The following GRID1 variants were observed in gnomAD, a reference collection of about 807,000 sequenced individuals.
GRID1 encodes the protein glutamate receptor ionotropic, delta-1.
Under a neutral mutation model 98.0 loss-of-function variants are expected in GRID1, and 28 were observed. The ratio of observed to expected loss-of-function variants is 0.29; its 90% CI spans 0.21 to 0.39. The LOEUF (loss-of-function observed/expected upper bound fraction) is 0.39. Ranked by LOEUF, GRID1 falls within the 10% of genes least tolerant of loss-of-function variation. The pLI is 1.00. For synonymous variants in GRID1, 553 were observed against 538.5 expected, an observed-to-expected ratio of 1.03 and a Z score of -0.37; for missense variants, 1,111 against 1,340.5, an observed-to-expected ratio of 0.83 and a Z score of 2.67.
chr10:86,149,659 C>T (rs1466965896), intron 3 of GRID1, among the ~76,000 whole-genome samples: 3 of 152,246 alleles, frequency 2.0e-5, no homozygotes, highest in Admixed American at 6.5e-5. Flanking sequence ...ACACACCACG[C>T]TGCATTAAGT....
chr10:86,231,340 C>T (rs1025547639), intron 2 of GRID1, among the ~76,000 whole-genome samples: 1 of 152,186 alleles, frequency 6.6e-6, no homozygotes, highest in African/African-American at 2.4e-5. Flanking sequence ...CATCTCTGCA[C>T]ACTCAGGGCA....
At chr10:85,731,889 TAGGG>T (rs1841829467) in intron 8 of GRID1, among the ~76,000 whole-genome samples, 2 of 75,530 alleles carry the variant, frequency 2.6e-5, no homozygotes, top group Non-Finnish European at 5.4e-5. Flanking sequence ...GAAAGGGAGG[TAGGG>T]AGGGAGGGAG....
intron 4 of GRID1, among the ~76,000 whole-genome samples, chr10:86,103,067 A>G (rs1446815680): frequency 6.6e-6 from 1 of 152,152 alleles, no homozygotes; most frequent in African/African-American, 2.4e-5. Context: ...CTGTGAATCC[A>G]TTTAACCTCT....
intron 12 of GRID1, among the ~76,000 whole-genome samples, chr10:85,721,333 G>T (rs117051113): frequency 6.6e-6 from 1 of 152,092 alleles, no homozygotes; most frequent in Admixed American, 6.5e-5. Flanking sequence ...TCCAGCAATT[G>T]CACTCTTGGG....
chr10:85,987,135 C>T (rs1343175562), intron 4 of GRID1, among the ~76,000 whole-genome samples: 2 of 69,482 alleles, frequency 2.9e-5, no homozygotes, highest in Non-Finnish European at 8.3e-5. Flanking sequence ...CTCAGAGTTG[C>T]CCCAGCTTGC....
chr10:85,849,031 C>G (rs544681883), intron 8 of GRID1, among the ~76,000 whole-genome samples: 62 of 152,310 alleles, frequency 4.1e-4, no homozygotes, highest in Non-Finnish European at 7.8e-4. Flanking sequence ...CCACCTCCAC[C>G]CATATCCCCC....
intron 5 of GRID1, among the ~76,000 whole-genome samples, chr10:85,892,896 G>A (rs1465888808): frequency 1.3e-5 from 2 of 151,890 alleles, no homozygotes; most frequent in Non-Finnish European, 2.9e-5. Flanking sequence ...CCAGACAAAG[G>A]GTTTACAGGA....
chr10:85,843,087 T>C (rs770890872), intron 8 of GRID1, among the ~76,000 whole-genome samples: 10 of 152,028 alleles, frequency 6.6e-5, no homozygotes, highest in Non-Finnish European at 1.0e-4. Context: ...GTCATAAAGA[T>C]AGGCACATTG....
chr10:86,300,858 G>A (rs534079471), intron 2 of GRID1, among the ~76,000 whole-genome samples: 8 of 152,288 alleles, frequency 5.3e-5, no homozygotes, highest in South Asian at 2.1e-4. Context: ...GGTGCAGTCC[G>A]GGAAGCCTGG....
At chr10:85,838,220 C>A (rs975033958) in intron 8 of GRID1, among the ~76,000 whole-genome samples, 1 of 152,120 alleles carries the variant, frequency 6.6e-6, no homozygotes, top group African/African-American at 2.4e-5. Flanking sequence ...AGAATGGAAC[C>A]AACTTGGTAA....
At chr10:85,793,374 T>G (rs989946892) in intron 8 of GRID1, among the ~76,000 whole-genome samples, 3 of 152,204 alleles carry the variant, frequency 2.0e-5, no homozygotes, top group East Asian at 1.9e-4. Flanking sequence ...GCAATCACTT[T>G]CTCTTCTGGA....
intron 4 of GRID1, among the ~76,000 whole-genome samples, chr10:86,080,389 A>AATGGAAGGGAAGGGG (rs1843951237): frequency 4.2e-5 from 1 of 23,878 alleles, no homozygotes; most frequent in Non-Finnish European, 8.4e-5. Flanking sequence ...AAGGAAAGGG[A>AATGGAAGGGAAGGGG]AGGGAAGGGA....
intron 4 of GRID1, among the ~76,000 whole-genome samples, chr10:86,118,596 C>T (rs1844620504): frequency 6.6e-6 from 1 of 151,942 alleles, no homozygotes; most frequent in Non-Finnish European, 1.5e-5. Flanking sequence ...TAGTTCTCCA[C>T]TCTTTAAGTG....
Position 85,631,198 on chromosome 10 carries a change from A to G in GRID1, c.2194-11165T>C, listed in dbSNP as rs1842972390. Among the ~76,000 whole-genome samples the G allele has an allele frequency of 4.6e-5, 7 of 152,354 alleles. No homozygotes were observed. In the South Asian group the frequency reaches 1.5e-3, roughly 32 times the overall value. ...GAGGCTCAAAAAGAACCAAGGCCAC[A>G]GAATTTGCTATTGGCAGAGCTTCAG... On this transcript the variant is annotated intron_variant, in intron 13 of 15. Transcript: ENST00000327946.
intron 4 of GRID1, among the ~76,000 whole-genome samples, chr10:86,080,480 A>G (rs1843960856): frequency 8.0e-6 from 1 of 125,210 alleles, no homozygotes; most frequent in African/African-American, 3.2e-5. Context: ...AGGGAAGGGA[A>G]GGGAAAAGGG....
chr10:85,989,985 A>G (rs1319006051), intron 4 of GRID1, among the ~76,000 whole-genome samples: 2 of 152,180 alleles, frequency 1.3e-5, no homozygotes, highest in East Asian at 1.9e-4. Context: ...CAGCAAAAAG[A>G]CAGCCGCCTG....
intron 3 of GRID1, among the ~76,000 whole-genome samples, chr10:86,171,964 T>A (rs780266813): frequency 6.6e-6 from 1 of 152,214 alleles, no homozygotes; most frequent in Non-Finnish European, 1.5e-5. Flanking sequence ...AACTCTGTGA[T>A]GTGGTTGGTA....
chr10:86,211,664 C>T (rs554573990), intron 2 of GRID1, among the ~76,000 whole-genome samples: 2 of 152,204 alleles, frequency 1.3e-5, no homozygotes, highest in African/African-American at 2.4e-5. Flanking sequence ...AGAACAAACT[C>T]TCAGTAACTC....
intron 8 of GRID1, among the ~76,000 whole-genome samples, chr10:85,759,079 C>T (rs533351692): frequency 4.1e-4 from 63 of 152,294 alleles, no homozygotes; most frequent in South Asian, 1.2e-3. Flanking sequence ...ATGGAGATCC[C>T]TGCCATTATT....
Sources: allele counts gnomAD v4.1 joint callset (sites outside exome capture counted in the v4.1 genomes callset), GRCh38; gene constraint gnomAD v4.1.1; transcripts MANE v1.5; gene names NCBI Gene and HGNC (gene_info 2026-07-23, HGNC 2026-07-21).